The following TMEM128 variants were observed in gnomAD, a reference collection of about 807,000 sequenced individuals.
The protein encoded by TMEM128 is transmembrane protein 128.
In TMEM128, 16 loss-of-function variants were observed where a neutral mutation model predicts 19.7. The observed-to-expected ratio is 0.81, with a 90% CI of 0.55 to 1.23. TMEM128 has a LOEUF of 1.23. TMEM128 is among the 50% of genes most tolerant of loss of function. TMEM128 has a pLI of 0.00. For missense variants in TMEM128, 237 were observed against 200.8 expected, an observed-to-expected ratio of 1.18 and a Z score of -1.09; for synonymous variants, 98 against 75.8, an observed-to-expected ratio of 1.29 and a Z score of -1.52.
rs574641294 is a variant in TMEM128 at position 4,244,420 on chromosome 4, G to A, written c.239+1782C>T. Reference sequence around the variant, plus strand: ...TGAGCCTGGGAAGTCAAGGCAGCAAGCCATGATCGCACCACTACACTCCAG... The same window carrying A: ...TGAGCCTGGGAAGTCAAGGCAGCAAACCATGATCGCACCACTACACTCCAG... On this transcript the variant is annotated intron_variant, in intron 2 of 4. Coordinates refer to ENST00000382753, the MANE Select transcript of TMEM128 (RefSeq NM_001297551.2). Among the ~76,000 whole-genome samples, 3 of 152,276 alleles carry A rather than the reference G, an allele frequency of 2.0e-5. No individual in the cohort carries two copies. The East Asian group carries it at 5.8e-4, about 29-fold the overall frequency.
chr4:4,237,657 GTCTA>G (rs1560216829), intron 4 of TMEM128, among the ~76,000 whole-genome samples, 166 bp downstream of exon 4: 2 of 152,150 alleles, frequency 1.3e-5, no homozygotes, highest in Non-Finnish European at 2.9e-5. Flanking sequence ...ACAAAAAGGA[GTCTA>G]TCTCAGAGTT....
chr4:4,247,816 C>A, intron 1 of TMEM128: 1 of 1,426,270 alleles, frequency 7.0e-7, no homozygotes, highest in Non-Finnish European at 9.2e-7. Context: ...TTGTACACTG[C>A]GGTACACGCA....
At chr4:4,247,823 C>T (rs1222742516) in intron 1 of TMEM128, 7 of 1,428,870 alleles carry the variant, frequency 4.9e-6, no homozygotes, top group Non-Finnish European at 5.5e-6. Context: ...CTGCGGTACA[C>T]GCATGTTTCT....
chr4:4,248,041 G>A (rs1029235756), intron 1 of TMEM128, 65 bp downstream of exon 1: 14 of 1,525,712 alleles, frequency 9.2e-6, no homozygotes, highest in Non-Finnish European at 1.2e-5. Context: ...CAGGGCTGCC[G>A]GAGGCCGGCC....
chr4:4,242,549 G>A (rs936664614), intron 2 of TMEM128, among the ~76,000 whole-genome samples: 1 of 150,240 alleles, frequency 6.7e-6, no homozygotes, highest in Non-Finnish European at 1.5e-5. Context: ...ACGGAGTCTC[G>A]CTGTTGTTGC....
intron 1 of TMEM128, among the ~76,000 whole-genome samples, 155 bp from the exon 2 acceptor site, chr4:4,246,498 A>T (rs1479990303): frequency 2.6e-5 from 4 of 152,228 alleles, no homozygotes; most frequent in African/African-American, 9.7e-5. Flanking sequence ...GTTTATATTT[A>T]CAAAAAATAA....
chr4:4,241,605 C>A (rs563934156), intron 2 of TMEM128, among the ~76,000 whole-genome samples: 1 of 152,102 alleles, frequency 6.6e-6, no homozygotes, highest in African/African-American at 2.4e-5. Context: ...GGCAAGGTTC[C>A]GGATTCCATG....
intron 2 of TMEM128, among the ~76,000 whole-genome samples, chr4:4,242,256 G>C (rs1717988015): frequency 1.3e-5 from 2 of 151,924 alleles, no homozygotes; most frequent in Non-Finnish European, 2.9e-5. Flanking sequence ...TTCATCTTTA[G>C]GAGTCTTCAA....
rs1326579364 is a variant in TMEM128, at chr4:4,240,476, C to A, written c.243G>T (p.Trp81Cys). The A allele has an allele frequency of 1.9e-6, 3 of 1,612,298 alleles. No individual in the cohort carries two copies. The South Asian group carries it at 3.3e-5, about 18-fold the overall frequency. Residue 81 changes from tryptophan (W) to cysteine (C), a missense_variant, in exon 3 of 5, where the codon TGG becomes TGT. By Grantham distance (215) the Trp-to-Cys change is radical (BLOSUM62 -2). Transcript: ENST00000382753. ...GCAACAAGGCACTGCCACAGAGAAACCAGCTGTGGAGATAAAAACAGTAAG... is the reference window on the plus strand; with the variant it reads ...GCAACAAGGCACTGCCACAGAGAAAACAGCTGTGGAGATAAAAACAGTAAG... The part of the protein sequence containing the change: ...TLKENFHTSS[W>C]FLCGSALLLV...
chr4:4,241,555 A>G (rs1717957634), intron 2 of TMEM128, among the ~76,000 whole-genome samples: 1 of 152,220 alleles, frequency 6.6e-6, no homozygotes, highest in South Asian at 2.1e-4. Flanking sequence ...GATGGCTACA[A>G]CAGATAAGTT....
At chr4:4,247,957 C>A (rs1187874200) in intron 1 of TMEM128, 149 bp downstream of exon 1, 21 of 1,436,564 alleles carry the variant, frequency 1.5e-5, no homozygotes, top group East Asian at 2.6e-5. Flanking sequence ...CACAGCACTC[C>A]GCGATTCTAA....
chr4:4,241,390 A>T (rs11736550), intron 2 of TMEM128, among the ~76,000 whole-genome samples: 47,040 of 152,084 alleles, frequency 0.31, 7,891 homozygotes, highest in East Asian at 0.46. Context: ...ATTCAGCAAG[A>T]GTGAGGCAAC....
At chr4:4,248,020 C>A in intron 1 of TMEM128, 86 bp downstream of exon 1, 2 of 1,506,268 alleles carry the variant, frequency 1.3e-6, no homozygotes. Flanking sequence ...CTCAGTCCTT[C>A]CAGACTGGGC....
In TMEM128 at chr4:4,248,095, GC is replaced by G. The variant is rs1718275124; in HGVS notation, c.97+10del. The G allele has an allele frequency of 6.5e-7, 1 of 1,535,522 alleles. No homozygotes were observed. Among genetic ancestry groups the G allele is most frequent in the African/African-American group, 1.4e-5 (1 of 72,390 alleles). On this transcript the variant is annotated intron_variant, in intron 1 of 4. Transcript: ENST00000382753. ...TCTGAGAACCTCGGGGCGGCTTGGT[GC>G]GCGCCTCACCCGGCCCGGCGTCACC...
chr4:4,246,337 G>C lies in TMEM128; in HGVS notation c.104C>G (p.Ser35Cys). 1 of 1,599,380 alleles carries C rather than the reference G, an allele frequency of 6.3e-7. No homozygotes were observed. The highest frequency in any genetic ancestry group is 8.5e-7 in the Non-Finnish European group (1 of 1,176,306). Reference protein sequence around the residue: ...DREGDAGPETSTAVEKKEKPL... With the variant: ...DREGDAGPETCTAVEKKEKPL... ...TTTCTCCTTTTTCTCAACAGCTGTG[G>C]AGGTTTCTGCAAATAAGGGAGATTT... The change falls in exon 2 of 5, where the codon TCC becomes TGC. Residue 35 changes from serine to cysteine, a missense_variant. By Grantham distance (112) the Ser-to-Cys change is moderately radical. Transcript: ENST00000382753.
chr4:4,236,418 A>G (rs551517036), intron 4 of TMEM128, among the ~76,000 whole-genome samples, 162 bp from the exon 5 acceptor site: 24 of 152,238 alleles, frequency 1.6e-4, no homozygotes, highest in Non-Finnish European at 2.4e-4. Context: ...ATTACCAATT[A>G]TAACTTCATG....
chr4:4,247,847 G>C, intron 1 of TMEM128: 1 of 1,430,170 alleles, frequency 7.0e-7, no homozygotes, highest in Non-Finnish European at 9.1e-7. Flanking sequence ...AAATCCTTAA[G>C]ACTTAAAACT....
chr4:4,246,448 T>A, intron 1 of TMEM128, 105 bp from the exon 2 acceptor site: 1 of 1,169,824 alleles, frequency 8.5e-7, no homozygotes, highest in Non-Finnish European at 1.2e-6. Flanking sequence ...AAACAGTCTC[T>A]CCCATGATAA....
chr4:4,237,512 CATGCTT>C (rs1401581887), intron 4 of TMEM128, among the ~76,000 whole-genome samples: 3 of 152,156 alleles, frequency 2.0e-5, no homozygotes, highest in African/African-American at 7.2e-5. Flanking sequence ...CATGGTAGCA[CATGCTT>C]ATAATACCAG....
Sources: gnomAD v4.1 joint callset for allele counts (sites outside exome capture counted in the v4.1 genomes callset) on GRCh38, gnomAD v4.1.1 for gene constraint, MANE v1.5 for transcripts, NCBI Gene and HGNC (gene_info 2026-07-23, HGNC 2026-07-21) for gene names.